PCNX1: variants seen among roughly 807,000 people sequenced by gnomAD.
PCNX1 encodes the protein pecanex-like protein 1.
In PCNX1, 78 loss-of-function variants were observed where a neutral mutation model predicts 242.2. The ratio of observed to expected loss-of-function variants is 0.32; its 90% CI spans 0.27 to 0.39. The LOEUF (loss-of-function observed/expected upper bound fraction) is 0.39, where lower values mean the gene tolerates loss of function less well. PCNX1 is among the 10% of genes least tolerant of loss of function. The probability of loss-of-function intolerance (pLI) is 1.00; values close to 1 mark genes in which losing one functional copy is unlikely to be tolerated. For missense variants in PCNX1, 2,581 were observed against 2,856.5 expected, an observed-to-expected ratio of 0.90 and a Z score of 2.20; for synonymous variants, 1,024 against 1,032.9, an observed-to-expected ratio of 0.99 and a Z score of 0.17.
intron 2 of PCNX1, among the ~76,000 whole-genome samples, chr14:70,957,989 T>C (rs1392071929): frequency 6.6e-6 from 1 of 152,318 alleles, no homozygotes; most frequent in African/African-American, 2.4e-5. Context: ...ATAATATTGC[T>C]GAATATTTGA....
chr14:71,083,067 C>T (rs570433190), intron 28 of PCNX1, among the ~76,000 whole-genome samples: 5 of 152,110 alleles, frequency 3.3e-5, no homozygotes, highest in Non-Finnish European at 7.4e-5. Flanking sequence ...AATCTCTCAG[C>T]ATTTGCTTGT....
At chr14:71,026,399 C>A in intron 14 of PCNX1, 111 bp downstream of exon 14, 1 of 651,560 alleles carries the variant, frequency 1.5e-6, no homozygotes, top group Non-Finnish European at 2.5e-6. Context: ...GCTTATTTTA[C>A]TGTTATTATG....
rs369014882 is a variant in PCNX1, at chr14:70,939,828, A to G, written c.154-7087A>G. Among the ~76,000 whole-genome samples the G allele has an allele frequency of 2.6e-5, 4 of 152,236 alleles. No homozygotes were observed. In the East Asian group the frequency reaches 5.8e-4, roughly 22 times the overall value. On this transcript the variant is annotated intron_variant, in intron 1 of 35. Coordinates refer to ENST00000304743, the MANE Select transcript of PCNX1 (RefSeq NM_014982.3). ...CCGGGTGCTCCTGTATTGGGTGCAT[A>G]TGTATTTAGGATAGTTAGCTCTTCT...
chr14:71,005,616 G>A (rs919237459), intron 8 of PCNX1, among the ~76,000 whole-genome samples: 1 of 152,138 alleles, frequency 6.6e-6, no homozygotes, highest in African/African-American at 2.4e-5. Context: ...GATTTTTACT[G>A]ATAGGGTAAG....
intron 30 of PCNX1, among the ~76,000 whole-genome samples, chr14:71,094,959 T>C (rs2062235174): frequency 6.6e-6 from 1 of 152,196 alleles, no homozygotes; most frequent in East Asian, 1.9e-4. Flanking sequence ...GAAACTGTTA[T>C]GATCTGTGCA....
chr14:71,058,056 C>A (rs2061230499), intron 26 of PCNX1, among the ~76,000 whole-genome samples: 1 of 152,182 alleles, frequency 6.6e-6, no homozygotes, highest in South Asian at 2.1e-4. Flanking sequence ...AGGTGGCTAG[C>A]AGCATGGAAT....
chr14:71,029,717 G>C (rs777569559), intron 16 of PCNX1, among the ~76,000 whole-genome samples: 1 of 152,168 alleles, frequency 6.6e-6, no homozygotes, highest in Non-Finnish European at 1.5e-5. Flanking sequence ...AAGAAATGAA[G>C]ACCCATGGAC....
At position 71,018,992 on chromosome 14, in the gene PCNX1, A is replaced by C. The variant is rs759074955; in HGVS notation, c.2997-17A>C. The C allele has an allele frequency of 6.2e-7, 1 of 1,602,516 alleles. No individual in the cohort carries two copies. The highest frequency in any genetic ancestry group is 8.5e-7 in the Non-Finnish European group (1 of 1,173,978). ...TATACTTAAGATATACTTACCCATA[A>C]GTTTTTCTGTCCGTAGAAATCGTGA... is the stretch of plus-strand genomic sequence containing the variant. On this transcript the variant is annotated splice_polypyrimidine_tract_variant and intron_variant, in intron 11 of 35. Coordinates refer to ENST00000304743, the MANE Select transcript of PCNX1 (RefSeq NM_014982.3).
chr14:71,043,625 T>C (rs1268853313), intron 19 of PCNX1, among the ~76,000 whole-genome samples: 1 of 152,004 alleles, frequency 6.6e-6, no homozygotes, highest in African/African-American at 2.4e-5. Flanking sequence ...TTCTTGCTTA[T>C]ATTTTTTATT....
intron 13 of PCNX1, among the ~76,000 whole-genome samples, chr14:71,024,631 A>G (rs2060192099): frequency 6.6e-6 from 1 of 152,176 alleles, no homozygotes; most frequent in African/African-American, 2.4e-5. Context: ...ATACTAATTT[A>G]TCCTGTTACT....
At chr14:70,947,488 G>T (rs917251198) in intron 2 of PCNX1, among the ~76,000 whole-genome samples, 2 of 152,076 alleles carry the variant, frequency 1.3e-5, no homozygotes, top group Admixed American at 6.6e-5. Context: ...AATTTCTTAC[G>T]CCTGTCTTTA....
intron 1 of PCNX1, among the ~76,000 whole-genome samples, chr14:70,939,018 C>A (rs1489663564): frequency 6.6e-6 from 1 of 152,084 alleles, no homozygotes; most frequent in Non-Finnish European, 1.5e-5. Context: ...ATTCTTCTGT[C>A]TTTTCTTCTT....
chr14:70,947,269 A>G (rs2057495073), intron 2 of PCNX1, 146 bp downstream of exon 2: 1 of 645,424 alleles, frequency 1.5e-6, no homozygotes, highest in Non-Finnish European at 2.7e-6. Flanking sequence ...TGATGGGTAC[A>G]TATTTTAATA....
chr14:71,001,142 A>G (rs1183981440), intron 8 of PCNX1, among the ~76,000 whole-genome samples: 4 of 123,272 alleles, frequency 3.2e-5, no homozygotes, highest in Non-Finnish European at 6.5e-5. Context: ...ATAAAATATT[A>G]TATCATTATT....
At chr14:70,908,088 G>A in intron 1 of PCNX1, 85 bp downstream of exon 1, 1 of 1,325,920 alleles carries the variant, frequency 7.5e-7, no homozygotes, top group Non-Finnish European at 1.0e-6. Flanking sequence ...CCTCTTCCAC[G>A]GGGTCTCGTC....
chr14:70,994,396 GATAT>G (rs35068772), intron 7 of PCNX1, among the ~76,000 whole-genome samples: 8,327 of 96,834 alleles, frequency 0.086, 569 homozygotes, highest in East Asian at 0.16. Flanking sequence ...ACAGGCTTAA[GATAT>G]ATATATATAT....
At chr14:71,104,110 T>TA (rs1334666005) in intron 32 of PCNX1, among the ~76,000 whole-genome samples, 2 of 152,184 alleles carry the variant, frequency 1.3e-5, no homozygotes, top group Non-Finnish European at 1.5e-5. Context: ...AATGCAGAGA[T>TA]ACTACTGCCT....
In PCNX1 at chr14:71,011,619, T is replaced by C. The variant is rs1217677269; in HGVS notation, c.2778+70T>C. On this transcript the variant is annotated intron_variant, in intron 10 of 35. Transcript: ENST00000304743. Reference sequence around the variant, plus strand: ...AATCTGAAATATGTATTTACATAGATAGCTATAAAAGCCATAAAAATTGAT... The same window carrying C: ...AATCTGAAATATGTATTTACATAGACAGCTATAAAAGCCATAAAAATTGAT... The C allele has an allele frequency of 1.1e-5, 10 of 937,736 alleles. No homozygotes were observed. The East Asian group carries it at 2.2e-4, about 21-fold the overall frequency. The allele number at this position is 937,736 out of a possible 1,614,324, so 58.1% of individuals were successfully genotyped here.
At chr14:71,084,998 CTG>C (rs1388400212) in intron 28 of PCNX1, among the ~76,000 whole-genome samples, 1 of 152,204 alleles carries the variant, frequency 6.6e-6, no homozygotes, top group African/African-American at 2.4e-5. Flanking sequence ...ATCTCTTGGT[CTG>C]TGGGTTGTGA....
Sources: gnomAD v4.1 joint callset for allele counts (sites outside exome capture counted in the v4.1 genomes callset) on GRCh38, gnomAD v4.1.1 for gene constraint, MANE v1.5 for transcripts, NCBI Gene and HGNC (gene_info 2026-07-23, HGNC 2026-07-21) for gene names.